Variants in ARHGEF33 observed in about 807,000 individuals in gnomAD.
The protein encoded by ARHGEF33 is Rho guanine nucleotide exchange factor 33, also known as DH and coiled-coil domain-containing protein ENSP00000381780.
In ARHGEF33, 72 loss-of-function variants were observed where a neutral mutation model predicts 101.9. The observed-to-expected ratio is 0.71, with a 90% CI of 0.58 to 0.86. The LOEUF is 0.86. Among genes scored for constraint, ARHGEF33 ranks in the 40% least tolerant of loss-of-function variants. The pLI is 0.00. For synonymous variants in ARHGEF33, 499 were observed against 442.5 expected (o/e 1.13, Z -1.60); for missense variants, 1,169 against 1,111.3 (o/e 1.05, Z -0.74).
At chr2:38,963,201 G>A (rs1667984714) in intron 16 of ARHGEF33, among the ~76,000 whole-genome samples, 1 of 152,100 alleles carries the variant, frequency 6.6e-6, no homozygotes, top group South Asian at 2.1e-4. Context: ...GTGGAATGGT[G>A]TTTTAGTTGC....
In ARHGEF33 at chr2:38,902,521, A is replaced by G. The variant is rs77679182; in HGVS notation, c.-86+6672A>G. Among the ~76,000 whole-genome samples the G allele has an allele frequency of 3.0e-3, 454 of 152,360 alleles. 4 individuals are homozygous for G. The highest frequency in any genetic ancestry group is 0.01 in the Middle Eastern group (3 of 294). On this transcript the variant is annotated intron_variant, in intron 2 of 17. Transcript: ENST00000409978. ...TCATTTTCCGTATTTGTAAAGTGAC[A>G]GGGCTTGGCTGGCTGATCTCTGTAT...
At chr2:38,892,019 AAAG>A (rs1489339816) in intron 1 of ARHGEF33, among the ~76,000 whole-genome samples, 3 of 152,236 alleles carry the variant, frequency 2.0e-5, no homozygotes, top group African/African-American at 7.2e-5. Context: ...TTACTGACAA[AAAG>A]ACAGGGTAGT....
At chr2:38,954,250 G>T in intron 12 of ARHGEF33, 123 bp from the exon 13 acceptor site, 1 of 654,840 alleles carries the variant, frequency 1.5e-6, no homozygotes, top group South Asian at 1.8e-5. Flanking sequence ...AATGCTCTAT[G>T]ACAATCTCTG....
At chr2:38,944,638 A>G (rs1667394002) in intron 10 of ARHGEF33, among the ~76,000 whole-genome samples, 1 of 152,160 alleles carries the variant, frequency 6.6e-6, no homozygotes, top group Non-Finnish European at 1.5e-5. Context: ...CAGGGTCTCT[A>G]ACATGTCTTT....
intron 1 of ARHGEF33, 99 bp from the exon 2 acceptor site, chr2:38,895,675 TATA>T (rs1572736260): frequency 6.6e-6 from 1 of 152,060 alleles, no homozygotes; most frequent in East Asian, 1.9e-4. Context: ...GAATTGCATA[TATA>T]ATAAGAACTT....
In ARHGEF33 at chr2:38,967,177, T is replaced by C. The variant is rs1484813409; in HGVS notation, c.2483+1032T>C. 2.6e-5 allele frequency among the ~76,000 whole-genome samples: 4 copies of C among 152,318 alleles called. No homozygotes were observed. In the South Asian group the frequency reaches 6.2e-4, roughly 24 times the overall value. ...TTAGACTGTGGTCCTCATGGAGGAA[T>C]TGGGGGCAACCCTGGAGTGAGGACT... On this transcript the variant is annotated intron_variant, in intron 17 of 17. Transcript: ENST00000409978.
intron 17 of ARHGEF33, chr2:38,971,783 C>A (rs1245412291): frequency 5.6e-6 from 4 of 716,756 alleles, no homozygotes; most frequent in South Asian, 1.5e-5. Context: ...AGGGAAGGTA[C>A]AATTTGTGAG....
chr2:38,956,263 A>T (rs1667749519), intron 13 of ARHGEF33, among the ~76,000 whole-genome samples: 1 of 152,196 alleles, frequency 6.6e-6, no homozygotes, highest in Admixed American at 6.5e-5. Context: ...TAGATGTGTG[A>T]CCTGATGAAG....
In ARHGEF33 at chr2:38,910,115, ATAT is replaced by A. The variant is rs542469723; in HGVS notation, c.-85-9244_-85-9242del. 1.3e-4 allele frequency among the ~76,000 whole-genome samples: 20 copies of A among 152,262 alleles called. No homozygotes were observed. The South Asian group carries it at 3.9e-3, about 30-fold the overall frequency. On this transcript the variant is annotated intron_variant, in intron 2 of 17. Transcript: ENST00000409978. ...CTGTTATTTATAGAACCTTCCTGTG[ATAT>A]TATGCTGAATCATTTCCTATTGGGG...
intron 5 of ARHGEF33, among the ~76,000 whole-genome samples, chr2:38,929,333 G>T (rs1168551280): frequency 6.6e-6 from 1 of 152,114 alleles, no homozygotes; most frequent in Non-Finnish European, 1.5e-5. Context: ...GGAGACTGAG[G>T]CAGGAGAATC....
At chr2:38,966,559 C>T (rs1051635109) in intron 17 of ARHGEF33, among the ~76,000 whole-genome samples, 5 of 152,138 alleles carry the variant, frequency 3.3e-5, no homozygotes, top group African/African-American at 1.2e-4. Flanking sequence ...GGGATCTCAG[C>T]GCTTCTGCAT....
At position 38,928,905 on chromosome 2, in the gene ARHGEF33, A is replaced by T. The variant is rs1666931860; in HGVS notation, c.76-2A>T. The T allele has an allele frequency of 6.5e-7, 1 of 1,544,456 alleles. No individual in the cohort carries two copies. Among genetic ancestry groups the T allele is most frequent in the African/African-American group, 1.4e-5 (1 of 72,550 alleles). On this transcript the variant is annotated splice_acceptor_variant, in intron 4 of 17. Transcript: ENST00000409978. LOFTEE classifies it high-confidence loss of function. The stretch of plus-strand genomic sequence containing the variant: ...TGAATTAACTTTTCATGCATTATTT[A>T]GTTGCAGGCCCTAGCCTCCGAACTC...
At chr2:38,955,506 T>TTTTTTA (rs1667717974) in intron 13 of ARHGEF33, among the ~76,000 whole-genome samples, 3 of 140,024 alleles carry the variant, frequency 2.1e-5, no homozygotes, top group African/African-American at 2.7e-5. Context: ...TTTTTTTTTT[T>TTTTTTA]GAGTCAGGGT....
chr2:38,901,142 T>A (rs996108342), intron 2 of ARHGEF33, among the ~76,000 whole-genome samples: 17 of 152,136 alleles, frequency 1.1e-4, no homozygotes, highest in African/African-American at 3.6e-4. Flanking sequence ...ATTTCTTTCT[T>A]TTTATTTATT....
intron 3 of ARHGEF33, among the ~76,000 whole-genome samples, chr2:38,920,427 G>A (rs1666730629): frequency 1.2e-5 from 1 of 81,000 alleles, no homozygotes; most frequent in East Asian, 4.3e-4. Flanking sequence ...TTTTTTTTGA[G>A]ACAGAGTTTC....
At chr2:38,935,646 T>G in intron 7 of ARHGEF33, 129 bp from the exon 8 acceptor site, 1 of 599,826 alleles carries the variant, frequency 1.7e-6, no homozygotes, top group Admixed American at 3.9e-5. Flanking sequence ...TGTAATTTCT[T>G]TTTTTTACTG....
intron 1 of ARHGEF33, 67 bp from the exon 2 acceptor site, chr2:38,895,710 A>C (rs1371881681): frequency 6.6e-6 from 1 of 152,126 alleles, no homozygotes; most frequent in Non-Finnish European, 1.5e-5. Flanking sequence ...ATTATAGGAA[A>C]AAATGATGGT....
chr2:38,895,536 A>G (rs1013709867), intron 1 of ARHGEF33, among the ~76,000 whole-genome samples: 3 of 152,216 alleles, frequency 2.0e-5, no homozygotes, highest in African/African-American at 7.2e-5. Context: ...TCCCCCAAAC[A>G]TATGAATACT....
At chr2:38,895,519 T>A (rs1337958951) in intron 1 of ARHGEF33, among the ~76,000 whole-genome samples, 1 of 152,154 alleles carries the variant, frequency 6.6e-6, no homozygotes, top group African/African-American at 2.4e-5. Context: ...AAATTTATTT[T>A]TATTAGTCCC....
Sources: allele counts gnomAD v4.1 joint callset (sites outside exome capture counted in the v4.1 genomes callset), GRCh38; gene constraint gnomAD v4.1.1; transcripts MANE v1.5; gene names NCBI Gene and HGNC (gene_info 2026-07-23, HGNC 2026-07-21).